SHQ1: variants seen among roughly 807,000 people sequenced by gnomAD.
SHQ1 encodes SHQ1, H/ACA ribonucleoprotein assembly factor.
A neutral mutation model predicts 53.8 loss-of-function variants in SHQ1; 49 were observed. The ratio of observed to expected loss-of-function variants is 0.91; its 90% confidence interval spans 0.72 to 1.16. The LOEUF (loss-of-function observed/expected upper bound fraction) is 1.16, where lower values mean the gene tolerates loss of function less well. SHQ1 is among the 50% of genes most tolerant of loss of function. The pLI is 0.00. For missense variants in SHQ1, 738 were observed against 683.1 expected (o/e 1.08, Z -0.90); for synonymous variants, 243 against 251.0 (o/e 0.97, Z 0.30).
chr3:72,842,200 T>G, intron 3 of SHQ1, 80 bp downstream of exon 3: 1 of 1,499,960 alleles, frequency 6.7e-7, no homozygotes, highest in Non-Finnish European at 9.1e-7. Context: ...CTATTCACTA[T>G]ATCCCATTTC....
At chr3:72,740,743 C>T in the SHQ1 span, among the ~76,000 whole-genome samples, 397 of 152,228 alleles carry the variant, frequency 2.6e-3, 2 homozygotes, top group African/African-American at 9.3e-3. Flanking sequence ...ATGTTCATTT[C>T]AGAGTAATGA....
In SHQ1 at chr3:72,765,530, CATATAT is replaced by C. The variant is rs10551107; in HGVS notation, c.1182-14700_1182-14695del. Among the ~76,000 whole-genome samples the C allele has an allele frequency of 2.1e-3, 174 of 83,436 alleles. 1 individual carries two copies. The highest frequency in any genetic ancestry group is 6.8e-3 in the Middle Eastern group (1 of 146). 54.7% of individuals were successfully genotyped at this position (83,436 alleles called of 152,430 possible). Reference sequence around the variant, plus strand: ...ACCTCTGCCTCCCAGATTCACATGACATATATATATATATATATATATATATATTTT... The same window carrying C: ...ACCTCTGCCTCCCAGATTCACATGACATATATATATATATATATATATTTT... On this transcript the variant is annotated intron_variant, in intron 10 of 10. Coordinates refer to ENST00000325599, the MANE Select transcript of SHQ1 (RefSeq NM_018130.3).
intron 4 of SHQ1, among the ~76,000 whole-genome samples, chr3:72,840,265 A>G (rs866633232): frequency 0.025 from 3,550 of 143,462 alleles, 166 homozygotes; most frequent in African/African-American, 0.078. Flanking sequence ...AAAAAAAAAA[A>G]GAATAAATAA....
At chr3:72,768,232 T>G (rs1246149453) in intron 10 of SHQ1, among the ~76,000 whole-genome samples, 3 of 152,220 alleles carry the variant, frequency 2.0e-5, no homozygotes, top group African/African-American at 7.2e-5. Context: ...CTGACCCTGC[T>G]GCAGGCAGAG....
intron 10 of SHQ1, among the ~76,000 whole-genome samples, chr3:72,786,124 A>G (rs1250407993): frequency 6.6e-6 from 1 of 152,128 alleles, no homozygotes; most frequent in Non-Finnish European, 1.5e-5. Context: ...TCAATTACTA[A>G]GTCTGTCTCA....
downstream of SHQ1, among the ~76,000 whole-genome samples, chr3:72,748,965 GCACACGCACACACACACACACACACA>G (rs1439250446): frequency 8.0e-6 from 1 of 125,654 alleles, no homozygotes; most frequent in Admixed American, 7.5e-5. Context: ...AAACACACAC[GCACACGCACACACACACACACACACA>G]CACACACAGG....
At chr3:72,743,854 G>T in the SHQ1 span, among the ~76,000 whole-genome samples, 1 of 152,174 alleles carries the variant, frequency 6.6e-6, no homozygotes. Context: ...ATTACAAATT[G>T]TTCTGGGAGT....
chr3:72,753,821 C>T (rs1166519942), intron 10 of SHQ1, among the ~76,000 whole-genome samples: 1 of 152,050 alleles, frequency 6.6e-6, no homozygotes, highest in East Asian at 1.9e-4. Flanking sequence ...GCATTTATAC[C>T]CAAGACAGTT....
chr3:72,735,301 T>C, the SHQ1 span, among the ~76,000 whole-genome samples: 1 of 150,270 alleles, frequency 6.7e-6, no homozygotes, highest in Non-Finnish European at 1.5e-5. Flanking sequence ...GTTCTTCCGC[T>C]GGCCTCTGCT....
intron 10 of SHQ1, among the ~76,000 whole-genome samples, chr3:72,770,338 T>C (rs1340740189): frequency 6.6e-6 from 1 of 152,188 alleles, no homozygotes; most frequent in Non-Finnish European, 1.5e-5. Flanking sequence ...CCAGAGCCCA[T>C]ACTCTTAACC....
the SHQ1 span, among the ~76,000 whole-genome samples, chr3:72,737,221 T>G: frequency 1.3e-5 from 2 of 152,094 alleles, no homozygotes; most frequent in East Asian, 3.8e-4. Context: ...GAGGTTGCAG[T>G]GAGCTGAGAT....
intron 9 of SHQ1, among the ~76,000 whole-genome samples, chr3:72,802,617 T>G (rs1474023237): frequency 6.6e-6 from 1 of 152,208 alleles, no homozygotes; most frequent in Non-Finnish European, 1.5e-5. Context: ...TCTGATTTTT[T>G]TGCCTTCTAC....
chr3:72,752,533 AT>A (rs1254721102), intron 10 of SHQ1, among the ~76,000 whole-genome samples: 50 of 147,502 alleles, frequency 3.4e-4, no homozygotes, highest in East Asian at 9.8e-4. Flanking sequence ...ATTTCAGAAG[AT>A]TTTTTTTTTT....
At chr3:72,725,396 G>C in the SHQ1 span, among the ~76,000 whole-genome samples, 1 of 151,950 alleles carries the variant, frequency 6.6e-6, no homozygotes, top group African/African-American at 2.4e-5. Context: ...TGCAGCCCAG[G>C]GCCTTTGCAC....
chr3:72,737,155 G>C, the SHQ1 span, among the ~76,000 whole-genome samples: 1 of 151,930 alleles, frequency 6.6e-6, no homozygotes, highest in Admixed American at 6.6e-5. Context: ...GGGTGCATCT[G>C]TAGTCCTAGC....
intron 6 of SHQ1, among the ~76,000 whole-genome samples, chr3:72,819,852 T>C (rs1221486619): frequency 6.6e-6 from 1 of 152,192 alleles, no homozygotes; most frequent in Non-Finnish European, 1.5e-5. Flanking sequence ...TTTAAGCAAT[T>C]TGATTTAAGG....
Position 72,844,521 on chromosome 3 carries a change from T to C in SHQ1, c.144-98A>G, listed in dbSNP as rs1036740372. Reference sequence around the variant, plus strand: ...ACATTTAACCATCAAAATATATCAATCATTTTTTAAGAAGTTCCTCAGTAT... The same window carrying C: ...ACATTTAACCATCAAAATATATCAACCATTTTTTAAGAAGTTCCTCAGTAT... On this transcript the variant is annotated intron_variant, in intron 1 of 10. Coordinates refer to ENST00000325599, the MANE Select transcript of SHQ1 (RefSeq NM_018130.3). The C allele has an allele frequency of 2.5e-5, 23 of 915,274 alleles. No individual in the cohort carries two copies. In the East Asian group the frequency reaches 3.4e-4, roughly 14 times the overall value. The allele number at this position is 915,274 out of a possible 1,614,324, so 56.7% of individuals were successfully genotyped here. A position where few individuals can be genotyped will look rare whatever the true frequency, so the allele number is the denominator to read the frequency against.
intron 10 of SHQ1, among the ~76,000 whole-genome samples, chr3:72,769,221 T>C (rs1705795959): frequency 6.6e-6 from 1 of 152,300 alleles, no homozygotes; most frequent in Admixed American, 6.5e-5. Context: ...ATTGTTACCA[T>C]GTGGGGATGT....
Position 72,750,655 on chromosome 3 carries a change from T to C in SHQ1, c.1363A>G (p.Ser455Gly). ...CTGCTGTCTGAGTCCTCCGAATCAC[T>C]TGCCTCAGAGCTGGAGCAAAGTGTC... ...QQTLCSSSEA[S>G]DSEDSDSSVS... Residue 455 changes from serine (S) to glycine (G), a missense_variant, in exon 11 of 11, where the codon AGT (serine) becomes GGT (glycine). Ser to Gly is a moderately conservative substitution (Grantham distance 56). Coordinates refer to ENST00000325599, the MANE Select transcript of SHQ1 (RefSeq NM_018130.3). The C allele has an allele frequency of 3.1e-6, 5 of 1,613,512 alleles. No homozygotes were observed. Among genetic ancestry groups the C allele is most frequent in the Non-Finnish European group, 4.2e-6 (5 of 1,179,666 alleles).
Sources: gnomAD v4.1 joint callset for allele counts (sites outside exome capture counted in the v4.1 genomes callset) on GRCh38, gnomAD v4.1.1 for gene constraint, MANE v1.5 for transcripts, NCBI Gene and HGNC (gene_info 2026-07-23, HGNC 2026-07-21) for gene names.